PPM1E: variants seen among roughly 807,000 people sequenced by gnomAD.
PPM1E encodes the protein protein phosphatase, Mg2+/Mn2+ dependent 1E.
PPM1E carries 20 observed loss-of-function variants against 65.9 expected under a neutral mutation model. That is an observed-to-expected ratio of 0.30 (90% confidence interval 0.21 to 0.44). The LOEUF (loss-of-function observed/expected upper bound fraction) is 0.44. PPM1E is among the 20% of genes least tolerant of loss of function. PPM1E has a pLI of 1.00. For synonymous variants in PPM1E, 352 were observed against 374.9 expected, an observed-to-expected ratio of 0.94 and a Z score of 0.70; for missense variants, 713 against 953.1, an observed-to-expected ratio of 0.75 and a Z score of 3.32.
intron 1 of PPM1E, among the ~76,000 whole-genome samples, chr17:58,892,446 G>A: frequency 6.6e-6 from 1 of 152,032 alleles, no homozygotes; most frequent in East Asian, 1.9e-4. Flanking sequence ...GTTGGTGCAT[G>A]CCTATATTCC....
chr17:58,901,220 T>C (rs1193070138), intron 1 of PPM1E, among the ~76,000 whole-genome samples: 1 of 152,196 alleles, frequency 6.6e-6, no homozygotes, highest in East Asian at 1.9e-4. Context: ...AAATATTCAC[T>C]AGAAATATTA....
intron 1 of PPM1E, among the ~76,000 whole-genome samples, chr17:58,863,029 T>C (rs1381563888): frequency 6.6e-6 from 1 of 152,238 alleles, no homozygotes; most frequent in Admixed American, 6.5e-5. Context: ...ATCTGCTAAA[T>C]GATGTACTTT....
At chr17:58,911,492 G>T (rs1316805170) in intron 1 of PPM1E, among the ~76,000 whole-genome samples, 1 of 152,086 alleles carries the variant, frequency 6.6e-6, no homozygotes, top group Non-Finnish European at 1.5e-5. Flanking sequence ...GTTATTTCAT[G>T]ATTTCATCAT....
chr17:58,756,326 G>A lies in PPM1E; in HGVS notation c.329G>A (p.Gly110Glu). ...GCGGCGACGGCGGCGGCAGCCCCGGGGCACTCGGCCGTGCCGCCGCCGCCG... is the reference window on the plus strand; with the variant it reads ...GCGGCGACGGCGGCGGCAGCCCCGGAGCACTCGGCCGTGCCGCCGCCGCCG... The part of the protein sequence containing the change: ...EGAATAAAAP[G>E]HSAVPPPPPQ... The change falls in exon 1 of 7, where the codon GGG becomes GAG. Residue 110 changes from glycine (G) to glutamate (E), a missense_variant. Around this residue, in one of 6 missense-constraint regions of PPM1E, gnomAD observed 212 missense variants for 204.0 expected, o/e 1.04. Coordinates refer to ENST00000308249, the MANE Select transcript of PPM1E (RefSeq NM_014906.5). The A allele has an allele frequency of 1.4e-6, 2 of 1,428,908 alleles. No homozygotes were observed. Among genetic ancestry groups the A allele is most frequent in the African/African-American group, 1.5e-5 (1 of 66,114 alleles). 88.5% of individuals were successfully genotyped at this position (1,428,908 alleles called of 1,614,324 possible).
At chr17:58,796,128 C>T (rs2050203935) in intron 1 of PPM1E, among the ~76,000 whole-genome samples, 1 of 152,180 alleles carries the variant, frequency 6.6e-6, no homozygotes, top group South Asian at 2.1e-4. Context: ...TCATGGCTCA[C>T]TGCAGCCATG....
At chr17:58,801,930 G>A (rs920074035) in intron 1 of PPM1E, among the ~76,000 whole-genome samples, 1 of 151,720 alleles carries the variant, frequency 6.6e-6, no homozygotes, top group Non-Finnish European at 1.5e-5. Flanking sequence ...GTAATTTTTT[G>A]TATTTTCAGT....
chr17:58,967,759 G>A (rs532920562), intron 3 of PPM1E, among the ~76,000 whole-genome samples: 2 of 149,860 alleles, frequency 1.3e-5, no homozygotes, highest in African/African-American at 4.9e-5. Flanking sequence ...AATGAGTACT[G>A]CTTTAGTAGG....
chr17:58,962,528 C>T (rs2030064409), intron 2 of PPM1E, among the ~76,000 whole-genome samples: 1 of 152,136 alleles, frequency 6.6e-6, no homozygotes, highest in Admixed American at 6.6e-5. Context: ...AGGACACATC[C>T]ATCTCAGGGT....
chr17:58,924,646 GT>G (rs1270274241), intron 1 of PPM1E, among the ~76,000 whole-genome samples: 1 of 152,130 alleles, frequency 6.6e-6, no homozygotes, highest in African/African-American at 2.4e-5. Context: ...TGCTGTGGTG[GT>G]TTGCTGCACC....
intron 2 of PPM1E, among the ~76,000 whole-genome samples, chr17:58,956,447 A>G (rs1177648698): frequency 8.1e-6 from 1 of 123,922 alleles, no homozygotes; most frequent in Non-Finnish European, 1.8e-5. Context: ...AAAAAAAACA[A>G]AAAACAAAAA....
intron 1 of PPM1E, among the ~76,000 whole-genome samples, chr17:58,935,462 A>T (rs905463130): frequency 6.6e-6 from 1 of 152,194 alleles, no homozygotes; most frequent in Non-Finnish European, 1.5e-5. Flanking sequence ...CGACATGATC[A>T]GTAGCCAAAT....
Position 58,981,057 on chromosome 17 carries a change from C to A in PPM1E, c.*26C>A, listed in dbSNP as rs1319224630. The A allele has an allele frequency of 2.0e-6, 3 of 1,476,922 alleles. No individual in the cohort carries two copies. The highest frequency in any genetic ancestry group is 1.8e-6 in the Non-Finnish European group (2 of 1,089,774). The allele number at this position is 1,476,922 out of a possible 1,614,324, so 91.5% of individuals were successfully genotyped here. ...TTTTTCTTTCAAGTAGGTTAGCTAG[C>A]TCTCCCCCAATAAAAATACCACTAT... On this transcript the variant is annotated 3_prime_UTR_variant, in exon 7 of 7. Transcript: ENST00000308249.
chr17:58,875,203 T>G (rs1264808094), intron 1 of PPM1E, among the ~76,000 whole-genome samples: 1 of 152,208 alleles, frequency 6.6e-6, no homozygotes, highest in Non-Finnish European at 1.5e-5. Flanking sequence ...TAACATATAT[T>G]CTGTGTTAAA....
chr17:58,896,079 C>A (rs1455641969), intron 1 of PPM1E, among the ~76,000 whole-genome samples: 1 of 148,404 alleles, frequency 6.7e-6, no homozygotes, highest in Non-Finnish European at 1.5e-5. Context: ...CACACCACTG[C>A]ACTCCAGCCT....
chr17:58,975,336 A>C (rs1390022781), intron 6 of PPM1E, among the ~76,000 whole-genome samples: 1 of 152,234 alleles, frequency 6.6e-6, no homozygotes, highest in Admixed American at 6.5e-5. Flanking sequence ...AGCAGGGAAG[A>C]ATGTCCCTTA....
rs762887500 is a variant in PPM1E, at chr17:58,874,034, A to G, written c.465-81615A>G. Among the ~76,000 whole-genome samples, 14 of 152,338 alleles carry G rather than the reference A, an allele frequency of 9.2e-5. No homozygotes were observed. In the South Asian group the frequency reaches 1.0e-3, roughly 11 times the overall value. ...TCAGCCAACATCGCTTTCGTTGGGCAGACTCAAAAACGAGTAGGCAAGTTT... is the reference window on the plus strand; with the variant it reads ...TCAGCCAACATCGCTTTCGTTGGGCGGACTCAAAAACGAGTAGGCAAGTTT... On this transcript the variant is annotated intron_variant, in intron 1 of 6. Transcript: ENST00000308249.
At chr17:58,822,939 CTT>C (rs1165846015) in intron 1 of PPM1E, among the ~76,000 whole-genome samples, 1 of 152,088 alleles carries the variant, frequency 6.6e-6, no homozygotes, top group African/African-American at 2.4e-5. Flanking sequence ...ATTCTCTCCT[CTT>C]TGTCATATGT....
intron 1 of PPM1E, among the ~76,000 whole-genome samples, chr17:58,903,993 C>A (rs1381776864): frequency 1.3e-5 from 2 of 152,036 alleles, no homozygotes; most frequent in Non-Finnish European, 2.9e-5. Flanking sequence ...ATTACTTTTA[C>A]TTGAATTTGA....
chr17:58,982,527 G>GT lies in PPM1E; in HGVS notation c.*1498dup, dbSNP rs975437313. On this transcript the variant is annotated 3_prime_UTR_variant, in exon 7 of 7. Transcript: ENST00000308249. ...ATCATGTGTTTATAGGATAGTACAC[G>GT]TTCCCCAGGCCCATAACAGAGGACT... The GT allele has an allele frequency of 4.9e-6, 1 of 203,186 alleles. No individual in the cohort carries two copies. The highest frequency in any genetic ancestry group is 1.0e-5 in the Non-Finnish European group (1 of 99,350). 12.6% of individuals were successfully genotyped at this position (203,186 alleles called of 1,614,324 possible).
Sources: allele counts gnomAD v4.1 joint callset (sites outside exome capture counted in the v4.1 genomes callset), GRCh38; gene constraint gnomAD v4.1.1; regional missense constraint gnomAD v4.1.1; transcripts MANE v1.5; gene names NCBI Gene and HGNC (gene_info 2026-07-23, HGNC 2026-07-21).